The following MACROD2 variants were observed in gnomAD, a reference collection of about 807,000 sequenced individuals.
The protein encoded by MACROD2 is ADP-ribose glycohydrolase MACROD2.
A neutral mutation model predicts 70.4 loss-of-function variants in MACROD2; 36 were observed. The ratio of observed to expected loss-of-function variants is 0.51; its 90% CI spans 0.39 to 0.68. The LOEUF (loss-of-function observed/expected upper bound fraction) is 0.68. MACROD2 is among the 30% of genes least tolerant of loss of function. The pLI is 0.00. For synonymous variants in MACROD2, 172 were observed against 178.8 expected, an observed-to-expected ratio of 0.96 and a Z score of 0.30; for missense variants, 496 against 538.4, an observed-to-expected ratio of 0.92 and a Z score of 0.78.
chr20:15,647,154 A>G (rs544118075), intron 8 of MACROD2, among the ~76,000 whole-genome samples: 9 of 152,386 alleles, frequency 5.9e-5, no homozygotes, highest in African/African-American at 2.2e-4. Context: ...GGGAAGTAGC[A>G]GCGATGCTAT....
At chr20:14,788,175 A>G (rs1170589562) in intron 5 of MACROD2, among the ~76,000 whole-genome samples, 5 of 152,090 alleles carry the variant, frequency 3.3e-5, no homozygotes, top group Non-Finnish European at 5.9e-5. Flanking sequence ...TCATAATATT[A>G]TCCTTTTTTA....
intron 5 of MACROD2, among the ~76,000 whole-genome samples, chr20:15,206,729 T>TTTTTTTTTTTTTTTG (rs1568636185): frequency 3.0e-5 from 2 of 67,122 alleles, no homozygotes; most frequent in Non-Finnish European, 5.8e-5. Flanking sequence ...ATGTTTTTTT[T>TTTTTTTTTTTTTTTG]TTTTTTTTTT....
chr20:15,511,011 T>C (rs932983711), intron 8 of MACROD2, among the ~76,000 whole-genome samples: 1 of 152,220 alleles, frequency 6.6e-6, no homozygotes, highest in Non-Finnish European at 1.5e-5. Context: ...CCTGGTCAGA[T>C]TCACATCTGT....
intron 15 of MACROD2, among the ~76,000 whole-genome samples, chr20:15,995,620 G>GC (rs1394444871): frequency 2.9e-5 from 4 of 139,782 alleles, no homozygotes; most frequent in African/African-American, 1.1e-4. Flanking sequence ...AAAGTGCTGG[G>GC]ATTACAGGCA....
chr20:15,951,553 C>T (rs757234214), intron 12 of MACROD2, among the ~76,000 whole-genome samples: 4 of 152,028 alleles, frequency 2.6e-5, no homozygotes, highest in Non-Finnish European at 2.9e-5. Context: ...TGTTATTTTG[C>T]ACCAGATGTG....
chr20:14,210,951 A>G (rs2081566533), intron 3 of MACROD2, among the ~76,000 whole-genome samples: 1 of 152,216 alleles, frequency 6.6e-6, no homozygotes, highest in South Asian at 2.1e-4. Context: ...GGAGACGCTT[A>G]GGATTACATG....
intron 10 of MACROD2, among the ~76,000 whole-genome samples, chr20:15,905,374 A>G (rs1268951353): frequency 6.6e-6 from 1 of 152,260 alleles, no homozygotes; most frequent in African/African-American, 2.4e-5. Context: ...TTTTTATAGT[A>G]ACTTTAAAGG....
At chr20:16,049,362 C>T (rs974873098) in intron 17 of MACROD2, among the ~76,000 whole-genome samples, 1 of 151,984 alleles carries the variant, frequency 6.6e-6, no homozygotes, top group Non-Finnish European at 1.5e-5. Context: ...TTCTTAGTGT[C>T]CTCTCATGGG....
chr20:15,450,188 G>C (rs192885032), intron 7 of MACROD2, among the ~76,000 whole-genome samples: 2 of 151,820 alleles, frequency 1.3e-5, no homozygotes, highest in Admixed American at 1.3e-4. Context: ...TTACTTGTCT[G>C]TGTGTGTACA....
chr20:14,204,312 C>A (rs182323171), intron 3 of MACROD2, among the ~76,000 whole-genome samples: 25 of 152,282 alleles, frequency 1.6e-4, no homozygotes, highest in African/African-American at 5.5e-4. Flanking sequence ...ACCCACATCA[C>A]TGTGTCTAGC....
chr20:15,505,588 C>T (rs1213586574), intron 8 of MACROD2, among the ~76,000 whole-genome samples: 1 of 152,094 alleles, frequency 6.6e-6, no homozygotes, highest in Non-Finnish European at 1.5e-5. Context: ...GGACTCCTTC[C>T]CGCTGCACTA....
At chr20:14,497,316 A>T (rs1402299820) in intron 4 of MACROD2, among the ~76,000 whole-genome samples, 2 of 151,776 alleles carry the variant, frequency 1.3e-5, no homozygotes, top group African/African-American at 4.9e-5. Context: ...CATTTCAGAT[A>T]CATGTTCACC....
chr20:15,206,725 T>TTTTTTTTTTTTTTTTG (rs2076708515), intron 5 of MACROD2, among the ~76,000 whole-genome samples: 2 of 60,512 alleles, frequency 3.3e-5, no homozygotes, highest in East Asian at 2.8e-4. Context: ...ATCTATGTTT[T>TTTTTTTTTTTTTTTTG]TTTTTTTTTT....
At chr20:15,963,308 A>C (rs2066090887) in intron 12 of MACROD2, among the ~76,000 whole-genome samples, 1 of 152,152 alleles carries the variant, frequency 6.6e-6, no homozygotes, top group South Asian at 2.1e-4. Context: ...TAGAAGTTCT[A>C]CGCCAAAATG....
At chr20:14,973,694 G>A (rs1458295735) in intron 5 of MACROD2, among the ~76,000 whole-genome samples, 1 of 152,106 alleles carries the variant, frequency 6.6e-6, no homozygotes, top group Non-Finnish European at 1.5e-5. Flanking sequence ...TTACTATGAA[G>A]GAAGGACAGA....
At chr20:14,046,713 TCTTTTA>T (rs1569133144) in intron 2 of MACROD2, among the ~76,000 whole-genome samples, 2 of 142,796 alleles carry the variant, frequency 1.4e-5, no homozygotes, top group Admixed American at 7.2e-5. Flanking sequence ...CCAAGCATTC[TCTTTTA>T]TTTATTTATT....
chr20:14,688,535 G>A (rs565444000), intron 5 of MACROD2, among the ~76,000 whole-genome samples: 3 of 152,128 alleles, frequency 2.0e-5, no homozygotes, highest in Admixed American at 6.5e-5. Context: ...AATCTTAAGG[G>A]TAGAAAGAAT....
intron 3 of MACROD2, among the ~76,000 whole-genome samples, chr20:14,190,714 T>A (rs1358859040): frequency 1.5e-4 from 16 of 107,966 alleles, no homozygotes; most frequent in South Asian, 6.7e-4. Context: ...TTTTTTTTTT[T>A]TTTTTTTTTT....
In MACROD2 at chr20:15,411,943, C is replaced by G. The variant is rs937897014; in HGVS notation, c.541-19462C>G. Among the ~76,000 whole-genome samples the G allele has an allele frequency of 2.0e-5, 3 of 152,308 alleles. 1 individual carries two copies. On this transcript the variant is annotated intron_variant, in intron 6 of 17. Coordinates refer to ENST00000684519, the MANE Select transcript of MACROD2 (RefSeq NM_001351661.2). ...GGTGTTGGATGGAAGTGCCTCTGAT[C>G]TAGCTCTTGCTGTGGGTGTCTTGCA...
Sources: allele counts gnomAD v4.1 joint callset (sites outside exome capture counted in the v4.1 genomes callset), GRCh38; gene constraint gnomAD v4.1.1; transcripts MANE v1.5; gene names NCBI Gene and HGNC (gene_info 2026-07-23, HGNC 2026-07-21).